Variants in PIK3R3 observed in about 807,000 individuals in gnomAD.
PIK3R3 encodes the protein phosphoinositide-3-kinase regulatory subunit 3, also known as phosphatidylinositol 3-kinase regulatory subunit gamma.
A neutral mutation model predicts 62.9 loss-of-function variants in PIK3R3; 64 were observed. That is an observed-to-expected ratio of 1.02 (90% CI 0.83 to 1.25). The LOEUF (loss-of-function observed/expected upper bound fraction) is 1.25. Among genes scored for constraint, PIK3R3 ranks in the 50% most tolerant of loss-of-function variants. The pLI is 0.00. For missense variants in PIK3R3, 614 were observed against 561.6 expected (o/e 1.09, Z -0.94); for synonymous variants, 165 against 189.0 (o/e 0.87, Z 1.04).
At chr1:46,157,472 A>C in the PIK3R3 span, among the ~76,000 whole-genome samples, 2 of 152,210 alleles carry the variant, frequency 1.3e-5, no homozygotes, top group Non-Finnish European at 2.9e-5. Flanking sequence ...CTAGTGGCTC[A>C]GCAGATCCAG....
At chr1:46,124,704 G>A (rs1298587727) in intron 1 of PIK3R3, among the ~76,000 whole-genome samples, 2 of 151,112 alleles carry the variant, frequency 1.3e-5, no homozygotes, top group Admixed American at 1.3e-4. Flanking sequence ...CCTGAGGCAG[G>A]AGAATCGCTG....
chr1:46,076,707 C>A (rs764012568), intron 3 of PIK3R3, among the ~76,000 whole-genome samples: 22 of 152,208 alleles, frequency 1.4e-4, no homozygotes, highest in Non-Finnish European at 8.8e-5. Flanking sequence ...AACTCTTCCT[C>A]TACCACTTTC....
At chr1:46,055,117 T>C (rs1366177266) in intron 7 of PIK3R3, among the ~76,000 whole-genome samples, 1 of 138,250 alleles carries the variant, frequency 7.2e-6, no homozygotes, top group Non-Finnish European at 1.6e-5. Context: ...TTTTTTTTTT[T>C]TTTTTTCCCA....
chr1:46,112,555 TAA>T (rs981306936), intron 1 of PIK3R3, among the ~76,000 whole-genome samples: 3 of 152,204 alleles, frequency 2.0e-5, no homozygotes, highest in Non-Finnish European at 2.9e-5. Context: ...TCATGAATCT[TAA>T]GAGTTAATTT....
intron 2 of PIK3R3, 120 bp downstream of exon 2, chr1:46,080,522 A>T: frequency 1.4e-6 from 1 of 702,070 alleles, no homozygotes. Context: ...CAGCCTCCTG[A>T]GTTGCTGGGA....
chr1:46,142,340 C>G, the PIK3R3 span, among the ~76,000 whole-genome samples: 1 of 152,140 alleles, frequency 6.6e-6, no homozygotes, highest in Non-Finnish European at 1.5e-5. Flanking sequence ...AAAATATAGG[C>G]CAGACAGGAA....
At chr1:46,159,890 G>A in the PIK3R3 span, among the ~76,000 whole-genome samples, 3 of 152,100 alleles carry the variant, frequency 2.0e-5, no homozygotes, top group Non-Finnish European at 4.4e-5. Context: ...CTGCTATGCC[G>A]TGTTGTTTTT....
chr1:46,066,479 G>A (rs1020335918), intron 4 of PIK3R3, among the ~76,000 whole-genome samples: 4 of 152,192 alleles, frequency 2.6e-5, no homozygotes, highest in African/African-American at 4.8e-5. Context: ...CATGCAATAA[G>A]ATATTACAGA....
At chr1:46,124,361 C>T (rs1303088228) in intron 1 of PIK3R3, among the ~76,000 whole-genome samples, 2 of 152,214 alleles carry the variant, frequency 1.3e-5, no homozygotes, top group East Asian at 1.9e-4. Flanking sequence ...CTTTCTACTA[C>T]ACTCAGGCTG....
the PIK3R3 span, among the ~76,000 whole-genome samples, chr1:46,140,815 TGTG>T: frequency 6.6e-6 from 1 of 152,114 alleles, no homozygotes; most frequent in African/African-American, 2.4e-5. Context: ...AGAATAAACT[TGTG>T]GTTTTTTTTG....
intron 1 of PIK3R3, among the ~76,000 whole-genome samples, chr1:46,129,199 C>T (rs867926414): frequency 4.6e-5 from 7 of 152,020 alleles, no homozygotes; most frequent in Admixed American, 6.6e-5. Context: ...CCTAAAAACA[C>T]ATACATATAA....
At chr1:46,105,235 G>A (rs979812890) in intron 1 of PIK3R3, 2 of 387,264 alleles carry the variant, frequency 5.2e-6, no homozygotes, top group Admixed American at 7.8e-5. Context: ...TGGGCACGGT[G>A]GCTCACACCT....
At chr1:46,092,614 C>T (rs1405459604) in intron 1 of PIK3R3, among the ~76,000 whole-genome samples, 1 of 152,142 alleles carries the variant, frequency 6.6e-6, no homozygotes, top group Admixed American at 6.5e-5. Flanking sequence ...CCGCCTGCCT[C>T]GGCCTCTCAA....
At chr1:46,112,202 T>C (rs1410909379) in intron 1 of PIK3R3, among the ~76,000 whole-genome samples, 1 of 152,220 alleles carries the variant, frequency 6.6e-6, no homozygotes, top group African/African-American at 2.4e-5. Flanking sequence ...AAAAATGGGA[T>C]CTTATTATAC....
chr1:46,117,749 A>C (rs1163923486), intron 1 of PIK3R3, among the ~76,000 whole-genome samples: 1 of 151,618 alleles, frequency 6.6e-6, no homozygotes, highest in African/African-American at 2.4e-5. Flanking sequence ...CTGTCTCGAA[A>C]GAAAGAAAGA....
chr1:46,052,092 C>T (rs988990422), intron 7 of PIK3R3, among the ~76,000 whole-genome samples: 5 of 151,760 alleles, frequency 3.3e-5, no homozygotes, highest in South Asian at 2.1e-4. Context: ...GAGCTGAGAT[C>T]GCGCCACTGC....
chr1:46,145,867 A>G, the PIK3R3 span, among the ~76,000 whole-genome samples: 2 of 152,326 alleles, frequency 1.3e-5, no homozygotes, highest in Middle Eastern at 6.8e-3. Context: ...GTTCCTAGAA[A>G]CAGGCTAAAG....
the PIK3R3 span, among the ~76,000 whole-genome samples, chr1:46,148,743 GGAGAGAGA>G: frequency 0.029 from 4,177 of 143,442 alleles, 159 homozygotes; most frequent in African/African-American, 0.087. Context: ...CCAAGATTTT[GGAGAGAGA>G]GAGAGAGAGA....
At chr1:46,171,945 G>A in the PIK3R3 span, among the ~76,000 whole-genome samples, 3 of 152,276 alleles carry the variant, frequency 2.0e-5, no homozygotes, top group Middle Eastern at 3.4e-3. Context: ...GGAAGAGCCC[G>A]TGCTAGGCTG....
Sources: gnomAD v4.1 joint callset for allele counts (sites outside exome capture counted in the v4.1 genomes callset) on GRCh38, gnomAD v4.1.1 for gene constraint, MANE v1.5 for transcripts, NCBI Gene and HGNC (gene_info 2026-07-23, HGNC 2026-07-21) for gene names.